Variants in TOP2B observed in about 807,000 individuals in gnomAD.
The protein encoded by TOP2B is DNA topoisomerase 2-beta.
A neutral mutation model predicts 193.5 loss-of-function variants in TOP2B; 51 were observed. The observed-to-expected ratio is 0.26, with a 90% CI of 0.21 to 0.33. TOP2B has a LOEUF of 0.33. TOP2B is among the 10% of genes least tolerant of loss of function. TOP2B has a pLI of 1.00. For missense variants in TOP2B, 1,378 were observed against 1,909.3 expected, an observed-to-expected ratio of 0.72 and a Z score of 5.19; for synonymous variants, 634 against 635.7, an observed-to-expected ratio of 1.00 and a Z score of 0.04.
chr3:25,649,617 A>AC (rs1434368549), intron 1 of TOP2B, among the ~76,000 whole-genome samples: 1 of 151,778 alleles, frequency 6.6e-6, no homozygotes, highest in Admixed American at 6.6e-5. Context: ...AAGAAAAAAA[A>AC]AAAAAACACT....
At chr3:25,618,909 A>G (rs1377895431) in intron 23 of TOP2B, 60 bp from the exon 24 acceptor site, 2 of 1,254,632 alleles carry the variant, frequency 1.6e-6, no homozygotes, top group East Asian at 2.6e-5. Flanking sequence ...TTTAACTTAT[A>G]TAACATCTAC....
chr3:25,637,183 T>C (rs376488592), intron 6 of TOP2B, 32 bp downstream of exon 6: 12 of 1,485,792 alleles, frequency 8.1e-6, no homozygotes, highest in Non-Finnish European at 1.1e-5. Flanking sequence ...AACGTTATTT[T>C]AAAAAAAGAA....
chr3:25,611,097 C>A (rs973868018), intron 28 of TOP2B, among the ~76,000 whole-genome samples: 4 of 152,124 alleles, frequency 2.6e-5, no homozygotes, highest in Non-Finnish European at 5.9e-5. Flanking sequence ...ATTCAAGTGG[C>A]TATGAGCTTG....
chr3:25,631,712 T>C (rs747249252), intron 10 of TOP2B, among the ~76,000 whole-genome samples: 9 of 151,988 alleles, frequency 5.9e-5, no homozygotes, highest in Non-Finnish European at 1.3e-4. Context: ...AAGGAAACAA[T>C]TGTTATGAGG....
rs764227396 is a variant in TOP2B at position 25,620,830 on chromosome 3, G to C, written c.2728-14C>G. 27 of 1,611,324 alleles carry C rather than the reference G, an allele frequency of 1.7e-5. No homozygotes were observed. The highest frequency in any genetic ancestry group is 2.1e-5 in the Non-Finnish European group (25 of 1,178,614). The stretch of plus-strand genomic sequence containing the variant: ...GTAGTTTGGAAGCTGTAGAGAAAAA[G>C]GTAAATAGCATTGACTTCTCTCTTG... On this transcript the variant is annotated splice_polypyrimidine_tract_variant and intron_variant, in intron 21 of 35. Transcript: ENST00000264331.
At chr3:25,625,611 T>G (rs1702781196) in intron 18 of TOP2B, among the ~76,000 whole-genome samples, 1 of 152,222 alleles carries the variant, frequency 6.6e-6, no homozygotes, top group African/African-American at 2.4e-5. Flanking sequence ...GTTTTTGTTT[T>G]AAGCTCATCA....
At chr3:25,620,292 A>G (rs558709235) in intron 22 of TOP2B, among the ~76,000 whole-genome samples, 29 of 152,162 alleles carry the variant, frequency 1.9e-4, no homozygotes, top group African/African-American at 6.5e-4. Flanking sequence ...AAAGGGCAAG[A>G]TAAAGGCTGA....
In TOP2B at chr3:25,620,731, T is replaced by C. The variant is rs1702636876; in HGVS notation, c.2813A>G (p.Asp938Gly). ...YAVSGEIFVV[D>G]RNTVEITELP... ...CTCTGTAATTTCTACTGTGTTTCTG[T>C]CCACTACAAATATTTCACCACTGAC... Residue 938 changes from aspartate to glycine, a missense_variant, in exon 22 of 36, where the codon GAC becomes GGC. Physicochemically the swap from Asp to Gly is moderately conservative, Grantham distance 94. Around this residue, in one of 9 missense-constraint regions of TOP2B, gnomAD observed 379 missense variants for 615.1 expected, o/e 0.62. Coordinates refer to ENST00000264331, the MANE Select transcript of TOP2B (RefSeq NM_001330700.2). 2 of 1,613,086 alleles carry C rather than the reference T, an allele frequency of 1.2e-6. No individual in the cohort carries two copies. The highest frequency in any genetic ancestry group is 1.7e-6 in the Non-Finnish European group (2 of 1,179,506).
At chr3:25,642,471 T>C in intron 3 of TOP2B, 86 bp from the exon 4 acceptor site, 1 of 689,890 alleles carries the variant, frequency 1.4e-6, no homozygotes, top group Non-Finnish European at 2.4e-6. Flanking sequence ...CACTGCTTAA[T>C]ATAAACATCT....
chr3:25,641,591 T>C (rs1703266887), intron 4 of TOP2B, among the ~76,000 whole-genome samples: 1 of 152,108 alleles, frequency 6.6e-6, no homozygotes. Context: ...TCATATAAAA[T>C]ATAGTTAACT....
rs867507813 is a variant in TOP2B at position 25,664,711 on chromosome 3, T to C, written c.-414A>G. On this transcript the variant is annotated 5_prime_UTR_variant, in exon 1 of 36. Coordinates refer to ENST00000264331, the MANE Select transcript of TOP2B (RefSeq NM_001330700.2). ...GCGAGGACGCAGAGGTGCCTTGTCCTTCTCACACTCCGCGAAGGCCAGCCA... is the reference window on the plus strand; with the variant it reads ...GCGAGGACGCAGAGGTGCCTTGTCCCTCTCACACTCCGCGAAGGCCAGCCA... 1.1e-5 allele frequency: 11 copies of C among 985,118 alleles called. No individual in the cohort carries two copies. In the Middle Eastern group the frequency reaches 3.7e-3, roughly 328 times the overall value. The allele number at this position is 985,118 out of a possible 1,614,324, so 61.0% of individuals were successfully genotyped here. A position where few individuals can be genotyped will look rare whatever the true frequency, so the allele number is the denominator to read the frequency against.
chr3:25,656,410 C>A (rs903994855), intron 1 of TOP2B, among the ~76,000 whole-genome samples: 1 of 151,988 alleles, frequency 6.6e-6, no homozygotes, highest in African/African-American at 2.4e-5. Flanking sequence ...TGAGACCAGC[C>A]TGGGTGATAG....
intron 2 of TOP2B, among the ~76,000 whole-genome samples, chr3:25,644,193 T>C (rs1164338328): frequency 6.6e-6 from 1 of 152,110 alleles, no homozygotes; most frequent in Non-Finnish European, 1.5e-5. Context: ...GAATCCCAGT[T>C]CTTACTAGTT....
Position 25,664,551 on chromosome 3 carries a change from A to C in TOP2B, c.-254T>G. ...GGGCCTAGCGCGGCGGCTGAGGAGA[A>C]AGCAGGGAGCGACCGGCGGCGGCCG... is the stretch of plus-strand genomic sequence containing the variant. On this transcript the variant is annotated 5_prime_UTR_variant, in exon 1 of 36. Transcript: ENST00000264331. 7.2e-6 allele frequency: 8 copies of C among 1,106,886 alleles called. No homozygotes were observed. Among genetic ancestry groups the C allele is most frequent in the Non-Finnish European group, 8.8e-6 (8 of 909,026 alleles). The allele number at this position is 1,106,886 out of a possible 1,614,324, so 68.6% of individuals were successfully genotyped here.
intron 28 of TOP2B, 80 bp from the exon 29 acceptor site, chr3:25,609,792 A>T (rs1353353517): frequency 3.7e-6 from 5 of 1,342,932 alleles, no homozygotes; most frequent in Non-Finnish European, 4.9e-6. Flanking sequence ...ATCAACAGAT[A>T]GCGCCTTCAA....
chr3:25,664,534 C>T lies in TOP2B; in HGVS notation c.-237G>A. ...CGGCGTCCGCGTCGCCCGGGCCTAG[C>T]GCGGCGGCTGAGGAGAAAGCAGGGA... On this transcript the variant is annotated 5_prime_UTR_variant, in exon 1 of 36. Transcript: ENST00000264331. The T allele has an allele frequency of 8.8e-7, 1 of 1,137,480 alleles. No individual in the cohort carries two copies. The highest frequency in any genetic ancestry group is 1.1e-6 in the Non-Finnish European group (1 of 928,576). 70.5% of individuals were successfully genotyped at this position (1,137,480 alleles called of 1,614,324 possible).
chr3:25,605,780 C>T (rs1334875468), intron 32 of TOP2B, among the ~76,000 whole-genome samples: 1 of 152,090 alleles, frequency 6.6e-6, no homozygotes, highest in Non-Finnish European at 1.5e-5. Flanking sequence ...TAAAACACTA[C>T]ACATACACTC....
chr3:25,612,986 T>C (rs974615584), intron 27 of TOP2B, among the ~76,000 whole-genome samples: 25 of 152,176 alleles, frequency 1.6e-4, no homozygotes, highest in Non-Finnish European at 3.1e-4. Context: ...AATTCTTGGA[T>C]CCCGTGATAT....
chr3:25,658,318 TAA>T (rs1703813717), intron 1 of TOP2B, among the ~76,000 whole-genome samples: 1 of 151,842 alleles, frequency 6.6e-6, no homozygotes, highest in Admixed American at 6.6e-5. Flanking sequence ...GAAAACTTGT[TAA>T]GTTTATTTGT....
Sources: gnomAD v4.1 joint callset for allele counts (sites outside exome capture counted in the v4.1 genomes callset) on GRCh38, gnomAD v4.1.1 for gene constraint, gnomAD v4.1.1 regional missense constraint, MANE v1.5 for transcripts, NCBI Gene and HGNC (gene_info 2026-07-23, HGNC 2026-07-21) for gene names.